Variants in UBR4 observed in about 807,000 individuals in gnomAD.
UBR4 encodes the protein E3 ubiquitin-protein ligase UBR4.
Under a neutral mutation model 575.6 loss-of-function variants are expected in UBR4, and 124 were observed. The ratio of observed to expected loss-of-function variants is 0.22; its 90% CI spans 0.19 to 0.25. The LOEUF is 0.25. Among genes scored for constraint, UBR4 ranks in the 10% least tolerant of loss-of-function variants. UBR4 has a pLI of 1.00. For synonymous variants in UBR4, 2,455 were observed against 2,473.7 expected (o/e 0.99, Z 0.22); for missense variants, 4,818 against 6,478.8 (o/e 0.74, Z 8.80).
chr1:19,132,605 T>TAAAAAAAAAAA, intron 60 of UBR4, among the ~76,000 whole-genome samples: 6 of 24,090 alleles, frequency 2.5e-4, no homozygotes, highest in Admixed American at 5.1e-4. Flanking sequence ...TAAAAAATGG[T>TAAAAAAAAAAA]AAAAAAAAAA....
At chr1:19,168,752 C>T (rs902414454) in intron 27 of UBR4, among the ~76,000 whole-genome samples, 4 of 151,980 alleles carry the variant, frequency 2.6e-5, no homozygotes, top group Non-Finnish European at 5.9e-5. Flanking sequence ...CTGAGACAGG[C>T]GGATCAGGAG....
intron 20 of UBR4, among the ~76,000 whole-genome samples, chr1:19,175,720 G>A (rs2090171724): frequency 6.6e-6 from 1 of 152,124 alleles, no homozygotes; most frequent in African/African-American, 2.4e-5. Flanking sequence ...GACACAGAGT[G>A]GCAAGAATCC....
intron 104 of UBR4, chr1:19,077,727 C>A: frequency 1.4e-6 from 2 of 1,405,226 alleles, no homozygotes; most frequent in Non-Finnish European, 1.9e-6. Context: ...GAACAAAACT[C>A]CGTCTCAAAA....
intron 65 of UBR4, 60 bp from the exon 66 acceptor site, chr1:19,123,120 T>C (rs757638701): frequency 7.7e-6 from 12 of 1,553,268 alleles, no homozygotes; most frequent in Non-Finnish European, 1.1e-5. Flanking sequence ...ATATCAACTG[T>C]GGCTCTCACA....
chr1:19,144,069 C>A lies in UBR4; in HGVS notation c.8090G>T (p.Cys2697Phe). ...TAGGACTCGAATTAGAGCTTGTTTA[C>A]AAGAGAAGCTCACAGCAGGATCCTG... ...LCPDPAVSFS[C>F]KQALIRVLRP... is the part of the protein sequence containing the mutation. Residue 2697 changes from cysteine (C) to phenylalanine (F), a missense_variant, in exon 55 of 106, where the codon TGT becomes TTT. By Grantham distance (205) the Cys-to-Phe change is radical (BLOSUM62 -2). Transcript: ENST00000375254. 3 of 1,613,996 alleles carry A rather than the reference C, an allele frequency of 1.9e-6. No homozygotes were observed. The highest frequency in any genetic ancestry group is 2.5e-6 in the Non-Finnish European group (3 of 1,179,908).
chr1:19,155,215 A>G, intron 43 of UBR4, 140 bp from the exon 44 acceptor site: 1 of 1,270,256 alleles, frequency 7.9e-7, no homozygotes, highest in Non-Finnish European at 1.1e-6. Context: ...AAATCTTACA[A>G]AGACCCTGAG....
Position 19,154,016 on chromosome 1 carries a change from C to T in UBR4, c.6459-77G>A. Reference sequence around the variant, plus strand: ...TTCTTTTCTTGACCTAAAAACCATCCTCTAACTGGCTACGTGACTCCAAAG... The same window carrying T: ...TTCTTTTCTTGACCTAAAAACCATCTTCTAACTGGCTACGTGACTCCAAAG... On this transcript the variant is annotated intron_variant, in intron 44 of 105. Coordinates refer to ENST00000375254, the MANE Select transcript of UBR4 (RefSeq NM_020765.3). 2.7e-6 allele frequency: 4 copies of T among 1,500,812 alleles called. No homozygotes were observed. The South Asian group carries it at 5.0e-5, about 19-fold the overall frequency. 93.0% of individuals were successfully genotyped at this position (1,500,812 alleles called of 1,614,324 possible). A position where few individuals can be genotyped will look rare whatever the true frequency, so the allele number is the denominator to read the frequency against.
chr1:19,192,413 A>G, intron 10 of UBR4, 35 bp from the exon 11 acceptor site: 1 of 1,614,160 alleles, frequency 6.2e-7, no homozygotes, highest in Non-Finnish European at 8.5e-7. Flanking sequence ...AAACATAATC[A>G]TAGAGATATT....
chr1:19,135,169 C>A (rs1452982031), intron 60 of UBR4, among the ~76,000 whole-genome samples: 1 of 152,018 alleles, frequency 6.6e-6, no homozygotes, highest in Non-Finnish European at 1.5e-5. Context: ...ATTGAAAAAA[C>A]CCTCCTTTCC....
intron 64 of UBR4, among the ~76,000 whole-genome samples, chr1:19,124,957 T>G (rs2081563808): frequency 6.6e-6 from 1 of 151,866 alleles, no homozygotes; most frequent in Non-Finnish European, 1.5e-5. Context: ...TTTTTGACAT[T>G]GGGTTGATTG....
chr1:19,116,563 AG>A (rs1231798759), intron 73 of UBR4, among the ~76,000 whole-genome samples: 1 of 152,200 alleles, frequency 6.6e-6, no homozygotes, highest in East Asian at 1.9e-4. Context: ...CAGCTCTGTA[AG>A]TCTTACTATT....
chr1:19,197,019 G>A, intron 8 of UBR4, 122 bp downstream of exon 8: 1 of 1,220,284 alleles, frequency 8.2e-7, no homozygotes, highest in South Asian at 1.5e-5. Context: ...TGCGACGTTA[G>A]ATGATCCTTG....
At chr1:19,202,009 A>G (rs1186706879) in intron 1 of UBR4, among the ~76,000 whole-genome samples, 194 bp from the exon 2 acceptor site, 1 of 152,162 alleles carries the variant, frequency 6.6e-6, no homozygotes, top group Non-Finnish European at 1.5e-5. Context: ...CTTGGCCAGT[A>G]TGGTGAAAAC....
At chr1:19,164,198 A>G in intron 33 of UBR4, 55 bp downstream of exon 33, 1 of 1,555,680 alleles carries the variant, frequency 6.4e-7, no homozygotes, top group South Asian at 1.2e-5. Flanking sequence ...TAAAGAAAGT[A>G]ACCCACTTCT....
At chr1:19,148,679 G>A (rs570260158) in intron 49 of UBR4, 53 bp from the exon 50 acceptor site, 61 of 1,600,560 alleles carry the variant, frequency 3.8e-5, no homozygotes, top group African/African-American at 9.4e-5. Flanking sequence ...TCCGCCTTGC[G>A]CTTTAGCCTA....
At chr1:19,097,347 T>C (rs1353047303) in intron 90 of UBR4, 67 bp from the exon 91 acceptor site, 4 of 1,420,500 alleles carry the variant, frequency 2.8e-6, no homozygotes, top group East Asian at 2.4e-5. Context: ...GACTCCATAC[T>C]TGGTCTTGCT....
chr1:19,120,073 G>C (rs540315068), intron 69 of UBR4, 107 bp downstream of exon 69: 2 of 1,332,346 alleles, frequency 1.5e-6, no homozygotes, highest in Non-Finnish European at 2.1e-6. Flanking sequence ...TCAGGCTGGC[G>C]TAACTACTGA....
At chr1:19,169,616 A>C in intron 26 of UBR4, 84 bp from the exon 27 acceptor site, 1 of 1,116,142 alleles carries the variant, frequency 9.0e-7, no homozygotes, top group Non-Finnish European at 1.3e-6. Context: ...CCAAATGCAG[A>C]AAGAAACAGT....
chr1:19,118,416 A>ACCTTTTTT (rs2080806486), intron 71 of UBR4: 1 of 151,840 alleles, frequency 6.6e-6, no homozygotes, highest in South Asian at 2.0e-4. Context: ...GAAACTAAAG[A>ACCTTTTTT]CCTTTTTTTT....
Sources: allele counts gnomAD v4.1 joint callset (sites outside exome capture counted in the v4.1 genomes callset), GRCh38; gene constraint gnomAD v4.1.1; transcripts MANE v1.5; gene names NCBI Gene and HGNC (gene_info 2026-07-23, HGNC 2026-07-21).